Variants in GSE1 observed in about 807,000 individuals in gnomAD.
GSE1 encodes the protein genetic suppressor element 1.
GSE1 carries 32 observed loss-of-function variants against 112.6 expected under a neutral mutation model. The observed-to-expected ratio is 0.28, with a 90% CI of 0.21 to 0.38. GSE1 has a LOEUF of 0.38. Among genes scored for constraint, GSE1 ranks in the 10% least tolerant of loss-of-function variants. GSE1 has a pLI of 1.00. For missense variants in GSE1, 2,348 were observed against 1,699.2 expected, an observed-to-expected ratio of 1.38 and a Z score of -6.71; for synonymous variants, 1,115 against 735.6, an observed-to-expected ratio of 1.52 and a Z score of -8.35.
At chr16:85,231,891 T>C (rs1190664671) in intron 1 of GSE1, among the ~76,000 whole-genome samples, 1 of 152,252 alleles carries the variant, frequency 6.6e-6, no homozygotes, top group Non-Finnish European at 1.5e-5. Flanking sequence ...AAAGTCATCA[T>C]GGTGCTGGCC....
rs767039317 is a variant in GSE1 at position 85,215,837 on chromosome 16, G to A, written c.2283+44030G>A. Among the ~76,000 whole-genome samples the A allele has an allele frequency of 1.7e-4, 26 of 152,134 alleles. 1 individual carries two copies. The highest frequency in any genetic ancestry group is 6.5e-4 in the Admixed American group (10 of 15,286). ...TAGGACTCAACTCTCCCCTTCCCCCGTCCCCACCGTAACCCCACCGGTTGC... is the reference window on the plus strand; with the variant it reads ...TAGGACTCAACTCTCCCCTTCCCCCATCCCCACCGTAACCCCACCGGTTGC... On this transcript the variant is annotated intron_variant, in intron 1 of 2. Transcript: ENST00000637419.
exon 1 of GSE1, chr16:85,171,654 C>T (rs1463245591): frequency 4.1e-6 from 4 of 985,610 alleles, no homozygotes; most frequent in South Asian, 9.4e-5. Flanking sequence ...TGTTCCTATA[C>T]ACCCTGCGAG....
chr16:85,290,950 G>A lies in GSE1; in HGVS notation c.2284-66513G>A, dbSNP rs557524524. Among the ~76,000 whole-genome samples the A allele has an allele frequency of 1.1e-3, 170 of 152,322 alleles. 1 individual carries two copies. Among genetic ancestry groups the A allele is most frequent in the East Asian group, 9.7e-3 (50 of 5,180 alleles). On this transcript the variant is annotated intron_variant, in intron 1 of 2. Transcript: ENST00000637419. ...CTGCCGGGTCCCCAAGCAGGGAGCA[G>A]GGAAGTGCCCGTTCTCAGTGTCAGA...
At chr16:85,171,096 C>T in exon 1 of GSE1, 10 of 985,692 alleles carry the variant, frequency 1.0e-5, no homozygotes, top group Non-Finnish European at 1.2e-5. Context: ...ACGCCCAGGG[C>T]CCCAACAAGC....
intron 9 of GSE1, 115 bp downstream of exon 9, chr16:85,661,880 G>C (rs768872920): frequency 4.7e-6 from 5 of 1,073,734 alleles, no homozygotes; most frequent in Middle Eastern, 3.2e-4. Flanking sequence ...GCCTGGGGTA[G>C]TCCCAGGCCC....
At chr16:85,553,744 G>A (rs1445125750), upstream of GSE1, among the ~76,000 whole-genome samples, 1 of 152,190 alleles carries the variant, frequency 6.6e-6, no homozygotes, top group Non-Finnish European at 1.5e-5. Flanking sequence ...CGAGGGTTTG[G>A]CAAGTGGCTT....
chr16:85,576,583 G>T (rs2046236633), intron 1 of GSE1, among the ~76,000 whole-genome samples: 1 of 152,172 alleles, frequency 6.6e-6, no homozygotes, highest in South Asian at 2.1e-4. Flanking sequence ...GGGAGAAGCT[G>T]TCCCCAGACC....
At chr16:85,284,262 C>T (rs1305218910) in intron 1 of GSE1, among the ~76,000 whole-genome samples, 2 of 152,160 alleles carry the variant, frequency 1.3e-5, no homozygotes, top group Non-Finnish European at 1.5e-5. Context: ...GCATGTGGCG[C>T]GAGGACAAAG....
At chr16:85,446,967 C>T (rs1246033948) in intron 2 of GSE1, among the ~76,000 whole-genome samples, 1 of 152,134 alleles carries the variant, frequency 6.6e-6, no homozygotes, top group African/African-American at 2.4e-5. Flanking sequence ...TTCAGCTTGG[C>T]TCGTCCGACC....
intron 2 of GSE1, among the ~76,000 whole-genome samples, chr16:85,541,662 A>G (rs2044523245): frequency 6.6e-6 from 1 of 152,240 alleles, no homozygotes; most frequent in South Asian, 2.1e-4. Flanking sequence ...GAGTTGTCAC[A>G]TAAGAGGCAA....
At chr16:85,644,801 C>A (rs1322424713) in intron 2 of GSE1, among the ~76,000 whole-genome samples, 2 of 151,908 alleles carry the variant, frequency 1.3e-5, no homozygotes, top group Non-Finnish European at 2.9e-5. Flanking sequence ...GGGATGGAAT[C>A]ATAGCTCGGT....
intron 1 of GSE1, among the ~76,000 whole-genome samples, chr16:85,206,626 A>G (rs2075121054): frequency 1.3e-5 from 2 of 152,042 alleles, no homozygotes; most frequent in African/African-American, 4.8e-5. Flanking sequence ...CCCCTACAGC[A>G]TGGGCTTCAG....
At chr16:85,314,514 C>G (rs1473763511) in intron 1 of GSE1, among the ~76,000 whole-genome samples, 8 of 152,082 alleles carry the variant, frequency 5.3e-5, no homozygotes, top group African/African-American at 1.4e-4. Context: ...TCCCACTGTC[C>G]CCTACACGTG....
intron 2 of GSE1, among the ~76,000 whole-genome samples, chr16:85,411,742 C>T (rs1597668281): frequency 2.8e-5 from 2 of 72,192 alleles, no homozygotes; most frequent in African/African-American, 1.5e-4. Context: ...ACTCAGGGCC[C>T]CCCGGATAAT....
chr16:85,280,448 T>C (rs2044823967), intron 1 of GSE1, among the ~76,000 whole-genome samples: 1 of 152,026 alleles, frequency 6.6e-6, no homozygotes, highest in Non-Finnish European at 1.5e-5. Context: ...CAGGCTGGAG[T>C]GTAGTGGTGC....
intron 1 of GSE1, among the ~76,000 whole-genome samples, chr16:85,630,168 AC>A (rs1480760310): frequency 6.6e-6 from 1 of 151,696 alleles, no homozygotes; most frequent in Admixed American, 6.6e-5. Flanking sequence ...ACGGCAGCTG[AC>A]CCCCCTCCAC....
chr16:85,552,118 A>C (rs56275365), upstream of GSE1, among the ~76,000 whole-genome samples: 59,993 of 149,730 alleles, frequency 0.4, 12,444 homozygotes, highest in Middle Eastern at 0.56. Flanking sequence ...CTCCGCCTTC[A>C]GGGTTCACAC....
At chr16:85,402,311 G>C (rs2048134254) in intron 2 of GSE1, among the ~76,000 whole-genome samples, 1 of 152,226 alleles carries the variant, frequency 6.6e-6, no homozygotes, top group Non-Finnish European at 1.5e-5. Flanking sequence ...TCGGGGGAGA[G>C]GAGTCGCCAG....
intron 2 of GSE1, among the ~76,000 whole-genome samples, chr16:85,364,475 C>G (rs778087348): frequency 1.3e-4 from 20 of 152,188 alleles, no homozygotes; most frequent in African/African-American, 4.8e-4. Flanking sequence ...AGCCTGCAGC[C>G]ACAGTATTTA....
Sources: allele counts gnomAD v4.1 joint callset (sites outside exome capture counted in the v4.1 genomes callset), GRCh38; gene constraint gnomAD v4.1.1; transcripts MANE v1.5; gene names NCBI Gene and HGNC (gene_info 2026-07-23, HGNC 2026-07-21).